ABHD12B: variants seen among roughly 807,000 people sequenced by gnomAD.
ABHD12B encodes the protein abhydrolase domain containing 12B.
In ABHD12B, 42 loss-of-function variants were observed where a neutral mutation model predicts 50.4. The observed-to-expected ratio is 0.83, with a 90% CI of 0.65 to 1.08. The LOEUF (loss-of-function observed/expected upper bound fraction) is 1.08. Among genes scored for constraint, ABHD12B ranks in the 50% least tolerant of loss-of-function variants. ABHD12B has a pLI of 0.00. For synonymous variants in ABHD12B, 167 were observed against 160.3 expected, an observed-to-expected ratio of 1.04 and a Z score of -0.32; for missense variants, 479 against 447.7, an observed-to-expected ratio of 1.07 and a Z score of -0.63.
At chr14:50,887,431 TA>T (rs1380939712) in intron 8 of ABHD12B, among the ~76,000 whole-genome samples, 1 of 151,786 alleles carries the variant, frequency 6.6e-6, no homozygotes, top group African/African-American at 2.4e-5. Context: ...CAGGGTCATT[TA>T]AAAAAAATTA....
chr14:50,873,219 TCTC>T (rs1019984537), intron 1 of ABHD12B, among the ~76,000 whole-genome samples: 34 of 151,406 alleles, frequency 2.2e-4, no homozygotes, highest in African/African-American at 7.3e-4. Flanking sequence ...TCTCTCTCTC[TCTC>T]TTTTTTTTTT....
At chr14:50,890,085 A>G (rs1433668730) in intron 9 of ABHD12B, among the ~76,000 whole-genome samples, 1 of 152,216 alleles carries the variant, frequency 6.6e-6, no homozygotes, top group Non-Finnish European at 1.5e-5. Context: ...GAGTAATTTC[A>G]GATATAATAA....
Position 50,904,090 on chromosome 14 carries a change from G to A in ABHD12B, c.959G>A (p.Arg320His), listed in dbSNP as rs750035539. Residue 320 changes from arginine (R) to histidine (H), a missense_variant, in exon 12 of 13, where the codon CGC becomes CAC. Transcript: ENST00000337334. Reference protein sequence around the residue: ...EYGKKLYEIARNAYRNKERVK... With the variant: ...EYGKKLYEIAHNAYRNKERVK... Reference sequence around the variant, plus strand: ...CGCTTGCAGCTCTATGAAATTGCACGCAATGCATACAGGAACAAAGAGAGG... The same window carrying A: ...CGCTTGCAGCTCTATGAAATTGCACACAATGCATACAGGAACAAAGAGAGG... 5.6e-6 allele frequency: 9 copies of A among 1,613,206 alleles called. No individual in the cohort carries two copies. Among genetic ancestry groups the A allele is most frequent in the South Asian group, 1.1e-5 (1 of 90,930 alleles).
intron 9 of ABHD12B, among the ~76,000 whole-genome samples, chr14:50,897,105 T>C (rs1469296190): frequency 6.8e-6 from 1 of 148,020 alleles, no homozygotes; most frequent in East Asian, 2.1e-4. Context: ...GGAGTTTCAC[T>C]CTTGTCACCC....
Position 50,879,543 on chromosome 14 carries a change from G to A in ABHD12B, c.335+696G>A, listed in dbSNP as rs573097307. On this transcript the variant is annotated intron_variant, in intron 3 of 12. Transcript: ENST00000337334. The stretch of plus-strand genomic sequence containing the variant: ...ACCTTAACATTTCTTCTGTTTAGTT[G>A]TAATACTCATTCTTGGCTGCCAAGT... Among the ~76,000 whole-genome samples, 8 of 152,294 alleles carry A rather than the reference G, an allele frequency of 5.3e-5. No individual in the cohort carries two copies. In the South Asian group the frequency reaches 1.0e-3, roughly 20 times the overall value.
At chr14:50,899,209 A>G (rs2050234679) in intron 9 of ABHD12B, among the ~76,000 whole-genome samples, 1 of 152,206 alleles carries the variant, frequency 6.6e-6, no homozygotes, top group South Asian at 2.1e-4. Context: ...ACAAAACAAA[A>G]TAAAACCAAA....
intron 1 of ABHD12B, among the ~76,000 whole-genome samples, chr14:50,874,787 C>T (rs1215241577): frequency 2.0e-5 from 3 of 152,082 alleles, no homozygotes; most frequent in African/African-American, 4.8e-5. Context: ...AGCGTTGGTT[C>T]TTTATTATCT....
chr14:50,884,520 A>C (rs1204685697), intron 5 of ABHD12B, among the ~76,000 whole-genome samples: 1 of 152,186 alleles, frequency 6.6e-6, no homozygotes, highest in Admixed American at 6.5e-5. Context: ...TTCTAGTTCT[A>C]GCCAGTTGGG....
intron 9 of ABHD12B, among the ~76,000 whole-genome samples, chr14:50,894,596 A>C (rs2050168569): frequency 6.6e-6 from 1 of 152,144 alleles, no homozygotes; most frequent in African/African-American, 2.4e-5. Flanking sequence ...AGTAGTTCCA[A>C]ATAGCCAGAA....
chr14:50,886,678 G>C lies in ABHD12B; in HGVS notation c.694G>C (p.Glu232Gln), dbSNP rs761299453. Residue 232 changes from glutamate to glutamine, a missense_variant, in exon 8 of 13, where the codon GAA (glutamate) becomes CAA (glutamine). Glu to Gln is a conservative substitution (Grantham distance 29). Coordinates refer to ENST00000337334, the MANE Select transcript of ABHD12B (RefSeq NM_001206673.2). ...AACAAATGCTGCAAAAGTGCTAGAA[G>C]AAAAAGGTAATATAAAATGCTTAAG... ...VATNAAKVLE[E>Q]KGCPVDAIVL... The C allele has an allele frequency of 6.2e-7, 1 of 1,608,370 alleles. No individual in the cohort carries two copies. The highest frequency in any genetic ancestry group is 1.1e-5 in the South Asian group (1 of 90,302).
At chr14:50,892,335 G>A in intron 9 of ABHD12B, 11 of 842,916 alleles carry the variant, frequency 1.3e-5, no homozygotes, top group Non-Finnish European at 1.6e-5. Context: ...AAAAGGGAAT[G>A]AGGGTAGTAG....
Position 50,904,657 on chromosome 14 carries a change from T to G in ABHD12B, c.*291T>G. 2.0e-6 allele frequency: 1 copy of G among 491,944 alleles called. No homozygotes were observed. Among genetic ancestry groups the G allele is most frequent in the Non-Finnish European group, 3.7e-6 (1 of 273,046 alleles). 30.5% of individuals were successfully genotyped at this position (491,944 alleles called of 1,614,324 possible). A position where few individuals can be genotyped will look rare whatever the true frequency, so the allele number is the denominator to read the frequency against. On this transcript the variant is annotated 3_prime_UTR_variant, in exon 13 of 13. Transcript: ENST00000337334. ...AAAAATATGTAGTTATTAAACATTC[T>G]GTGGATATTTGTGAATAAGGTAGTT... is the stretch of plus-strand genomic sequence containing the variant.
At chr14:50,875,770 G>A (rs1385492382) in intron 1 of ABHD12B, among the ~76,000 whole-genome samples, 4 of 152,184 alleles carry the variant, frequency 2.6e-5, no homozygotes, top group African/African-American at 4.8e-5. Flanking sequence ...TTCTCTTCCC[G>A]CAGTGCATCT....
At chr14:50,890,548 A>G (rs1030501466) in intron 9 of ABHD12B, among the ~76,000 whole-genome samples, 2 of 152,186 alleles carry the variant, frequency 1.3e-5, no homozygotes, top group African/African-American at 2.4e-5. Context: ...TGTGAACTTT[A>G]TATGAAAGTA....
intron 9 of ABHD12B, chr14:50,895,621 ATCT>A (rs2050188052): frequency 2.0e-5 from 3 of 152,036 alleles, no homozygotes; most frequent in South Asian, 4.1e-4. Flanking sequence ...TCCTTCCCAG[ATCT>A]TCTCGGCTTA....
At chr14:50,877,292 TA>T (rs1219308330) in intron 1 of ABHD12B, among the ~76,000 whole-genome samples, 1 of 152,210 alleles carries the variant, frequency 6.6e-6, no homozygotes, top group East Asian at 1.9e-4. Flanking sequence ...TAAGAATAGC[TA>T]ACACATATAG....
At chr14:50,873,474 AGT>A (rs767364895) in intron 1 of ABHD12B, among the ~76,000 whole-genome samples, 2 of 152,150 alleles carry the variant, frequency 1.3e-5, no homozygotes, top group Non-Finnish European at 2.9e-5. Flanking sequence ...GGCACCCCAA[AGT>A]GTTGGGATTA....
At chr14:50,874,417 A>G (rs1007388457) in intron 1 of ABHD12B, among the ~76,000 whole-genome samples, 1 of 152,022 alleles carries the variant, frequency 6.6e-6, no homozygotes, top group Admixed American at 6.6e-5. Context: ...TGGCTAACAC[A>G]GTGAAACCCT....
At chr14:50,904,266 C>T (rs538693312) in intron 12 of ABHD12B, 73 bp from the exon 13 acceptor site, 4 of 1,613,594 alleles carry the variant, frequency 2.5e-6, no homozygotes, top group South Asian at 1.1e-5. Flanking sequence ...TAGGCCACAA[C>T]ATGAAAATGT....
Sources: gnomAD v4.1 joint callset for allele counts (sites outside exome capture counted in the v4.1 genomes callset) on GRCh38, gnomAD v4.1.1 for gene constraint, MANE v1.5 for transcripts, NCBI Gene and HGNC (gene_info 2026-07-23, HGNC 2026-07-21) for gene names.